COL12A1: variants seen among roughly 807,000 people sequenced by gnomAD.
COL12A1 encodes collagen type XII alpha 1 chain, also known as collagen alpha-1(XII) chain.
A neutral mutation model predicts 349.7 loss-of-function variants in COL12A1; 114 were observed. The observed-to-expected ratio is 0.33, with a 90% CI of 0.28 to 0.38. COL12A1 has a LOEUF of 0.38. Among genes scored for constraint, COL12A1 ranks in the 10% least tolerant of loss-of-function variants. The probability of loss-of-function intolerance (pLI) is 1.00; values close to 1 mark genes in which losing one functional copy is unlikely to be tolerated. For synonymous variants in COL12A1, 1,369 were observed against 1,329.0 expected (o/e 1.03, Z -0.66); for missense variants, 3,284 against 3,756.9 (o/e 0.87, Z 3.29).
chr6:75,142,310 T>C, intron 26 of COL12A1, 149 bp from the exon 27 acceptor site: 1 of 895,836 alleles, frequency 1.1e-6, no homozygotes, highest in East Asian at 2.5e-5. Context: ...ATCCAGAAAC[T>C]GGACACAGTT....
chr6:75,134,008 C>G lies in COL12A1; in HGVS notation c.5525-11G>C, dbSNP rs375380199. On this transcript the variant is annotated splice_polypyrimidine_tract_variant and intron_variant, in intron 32 of 65. Coordinates refer to ENST00000322507, the MANE Select transcript of COL12A1 (RefSeq NM_004370.6). ...CAGTGTTTAGAGGTTCTGAAATGCA[C>G]AGAAATCCCATCACAGTATAATGCT... is the stretch of plus-strand genomic sequence containing the variant. 1 of 1,610,324 alleles carries G rather than the reference C, an allele frequency of 6.2e-7. No homozygotes were observed. Among genetic ancestry groups the G allele is most frequent in the Non-Finnish European group, 8.5e-7 (1 of 1,178,124 alleles).
chr6:75,175,000 C>A, intron 13 of COL12A1, 38 bp downstream of exon 13: 1 of 1,606,792 alleles, frequency 6.2e-7, no homozygotes, highest in Non-Finnish European at 8.5e-7. Flanking sequence ...GCACCACAAA[C>A]AAGTTCCTGG....
chr6:75,128,502 T>C (rs1766129607), intron 37 of COL12A1, 77 bp from the exon 38 acceptor site: 6 of 1,267,276 alleles, frequency 4.7e-6, no homozygotes, highest in Non-Finnish European at 6.3e-6. Flanking sequence ...GTTTTATGTA[T>C]TCCCATAAAC....
chr6:75,156,262 G>T lies in COL12A1; in HGVS notation c.3245C>A (p.Thr1082Lys). Reference sequence around the variant, plus strand: ...ATATAATTATTATTTCATACCTGTTGTTCCTGATCCTTGCCTAAGCTTTCC... The same window carrying T: ...ATATAATTATTATTTCATACCTGTTTTTCCTGATCCTTGCCTAAGCTTTCC... ...GEGKLRQGSG[T>K]TASRFKSPRN... The change falls in exon 15 of 66, where the codon ACA (threonine) becomes AAA (lysine). Residue 1082 changes from threonine to lysine, a missense_variant. Thr to Lys is a moderately conservative substitution (Grantham distance 78, BLOSUM62 -1). Transcript: ENST00000322507. 1.2e-6 allele frequency: 2 copies of T among 1,613,708 alleles called. No individual in the cohort carries two copies. Among genetic ancestry groups the T allele is most frequent in the Non-Finnish European group, 1.7e-6 (2 of 1,179,742 alleles).
rs144008915 is a variant in COL12A1 at position 75,150,905 on chromosome 6, C to T, written c.4147+236G>A. 1.1e-3 allele frequency among the ~76,000 whole-genome samples: 171 copies of T among 152,164 alleles called. 1 individual carries two copies. Among genetic ancestry groups the T allele is most frequent in the African/African-American group, 3.7e-3 (155 of 41,526 alleles). On this transcript the variant is annotated intron_variant, in intron 21 of 65. Transcript: ENST00000322507. ...CAGAAAAAAAAATCAGTGACTAATG[C>T]AGTGATTCTCAACTGGGGACAGTTT...
At position 75,095,106 on chromosome 6, in the gene COL12A1, A is replaced by C; in HGVS notation, c.8649+2T>G. ...CAGTAGACATGCAAGCTGTCCGCTT[A>C]CTGGTCTGCCATGATCTCCAGGTTT... On this transcript the variant is annotated splice_donor_variant, in intron 60 of 65. Coordinates refer to ENST00000322507, the MANE Select transcript of COL12A1 (RefSeq NM_004370.6). LOFTEE classifies it high-confidence loss of function. 1 of 1,613,944 alleles carries C rather than the reference A, an allele frequency of 6.2e-7. No homozygotes were observed. The highest frequency in any genetic ancestry group is 8.5e-7 in the Non-Finnish European group (1 of 1,179,872).
chr6:75,147,233 T>C (rs1279465090), intron 23 of COL12A1, among the ~76,000 whole-genome samples: 1 of 152,212 alleles, frequency 6.6e-6, no homozygotes, highest in Non-Finnish European at 1.5e-5. Flanking sequence ...TTCCTGATCT[T>C]AGTCCCACTC....
chr6:75,188,633 A>G, intron 7 of COL12A1, 98 bp from the exon 8 acceptor site: 1 of 1,321,300 alleles, frequency 7.6e-7, no homozygotes, highest in South Asian at 1.2e-5. Flanking sequence ...CTGAAGACAT[A>G]TTCAAATCGT....
In COL12A1 at chr6:75,104,376, G is replaced by C. The variant is rs144488700; in HGVS notation, c.8266-566C>G. Among the ~76,000 whole-genome samples the C allele has an allele frequency of 6.2e-4, 94 of 152,212 alleles. 2 individuals are homozygous for C. In the East Asian group the frequency reaches 0.016, roughly 25 times the overall value. On this transcript the variant is annotated intron_variant, in intron 54 of 65. Transcript: ENST00000322507. ...TCACTGTTACTAGAAAAAAAGAATG[G>C]TAACCCCAGTGACATTTTGATTCTA... is the stretch of plus-strand genomic sequence containing the variant.
In COL12A1 at chr6:75,189,332, C is replaced by T. The variant is rs1769802774; in HGVS notation, c.708G>A (p.Gly236=). 1.2e-6 allele frequency: 2 copies of T among 1,613,030 alleles called. No individual in the cohort carries two copies. Among genetic ancestry groups the T allele is most frequent in the Non-Finnish European group, 1.7e-6 (2 of 1,179,424 alleles). ...LVKNTFTESA[G]ARVGFPKVAI... is the part of the protein sequence containing the mutation. ...CCACTTTAGGAAAGCCAACTCTTGC[C>T]CCAGCAGATTCCGTGAAAGTATTTT... The change falls in exon 7 of 66, where the codon GGG becomes GGA. Residue 236 remains glycine (G), a synonymous_variant. Transcript: ENST00000322507.
chr6:75,098,683 C>T (rs1161972647), intron 58 of COL12A1, among the ~76,000 whole-genome samples: 1 of 152,078 alleles, frequency 6.6e-6, no homozygotes, highest in East Asian at 1.9e-4. Flanking sequence ...GTAAAGCTGT[C>T]TTAACTGCCC....
chr6:75,193,458 T>C (rs1365704335), intron 3 of COL12A1, among the ~76,000 whole-genome samples: 2 of 152,176 alleles, frequency 1.3e-5, no homozygotes, highest in Non-Finnish European at 2.9e-5. Context: ...AAAAGATAAA[T>C]AAACACAGTT....
Position 75,084,993 on chromosome 6 carries a change from GC to G in COL12A1, c.*1553del. On this transcript the variant is annotated 3_prime_UTR_variant, in exon 66 of 66. Transcript: ENST00000322507. ...TTTTGCAAGCATTTCAAGGGCAAAG[GC>G]AAAAATGTCTACAGACTGCGTGCTT... 1 of 295,588 alleles carries G rather than the reference GC, an allele frequency of 3.4e-6. No homozygotes were observed. The highest frequency in any genetic ancestry group is 3.1e-5 in the South Asian group (1 of 32,340). 18.3% of individuals were successfully genotyped at this position (295,588 alleles called of 1,614,324 possible).
At position 75,087,566 on chromosome 6, in the gene COL12A1, C is replaced by T. The variant is rs1477952944; in HGVS notation, c.9181+11G>A. 6.2e-7 allele frequency: 1 copy of T among 1,613,384 alleles called. No individual in the cohort carries two copies. The highest frequency in any genetic ancestry group is 8.5e-7 in the Non-Finnish European group (1 of 1,179,732). On this transcript the variant is annotated intron_variant, in intron 65 of 65. Transcript: ENST00000322507. ...AGGTGAGTTGGGGTTCCTACAATGG[C>T]AACAACGTACCTGGATAGCCTTGCC...
rs757228055 is a variant in COL12A1 at position 75,148,372 on chromosome 6, C to T, written c.4273G>A (p.Gly1425Arg). 1.2e-6 allele frequency: 2 copies of T among 1,612,398 alleles called. No homozygotes were observed. Among genetic ancestry groups the T allele is most frequent in the South Asian group, 1.1e-5 (1 of 90,738 alleles). The change falls in exon 22 of 66, where the codon GGG (glycine) becomes AGG (arginine). Residue 1425 changes from glycine to arginine, a missense_variant. Transcript: ENST00000322507. The stretch of plus-strand genomic sequence containing the variant: ...TTCCTACTCACTTCTTGACGTTTCC[C>T]TCCAGAAACTGGATAGTATTCCACC... ...YKVEYYPVSG[G>R]KRQEFYVSRM...
chr6:75,202,070 G>A (rs753348654), intron 2 of COL12A1, among the ~76,000 whole-genome samples: 5 of 152,192 alleles, frequency 3.3e-5, no homozygotes, highest in Admixed American at 6.5e-5. Flanking sequence ...CAGGCCACGC[G>A]CCTTGGAGCC....
Position 75,133,311 on chromosome 6 carries a change from A to G in COL12A1, c.5776T>C (p.Ser1926Pro), listed in dbSNP as rs773911646. The change falls in exon 34 of 66, where the codon TCA becomes CCA. Residue 1926 changes from serine to proline, a missense_variant. By Grantham distance (74) the Ser-to-Pro change is moderately conservative. Coordinates refer to ENST00000322507, the MANE Select transcript of COL12A1 (RefSeq NM_004370.6). Reference sequence around the variant, plus strand: ...TACTTACATGTCCTTCCAGTATCTGATGTGCGTCCCCCATCACCTTCAGTA... The same window carrying G: ...TACTTACATGTCCTTCCAGTATCTGGTGTGCGTCCCCCATCACCTTCAGTA... Reference protein sequence around the residue: ...VYTEGDGGRTSDTGRTLMRGL... With the variant: ...VYTEGDGGRTPDTGRTLMRGL... The G allele has an allele frequency of 1.9e-6, 3 of 1,598,566 alleles. No homozygotes were observed. The South Asian group carries it at 3.5e-5, about 19-fold the overall frequency.
chr6:75,089,224 A>G (rs760537562), intron 63 of COL12A1, 50 bp from the exon 64 acceptor site: 3 of 1,362,472 alleles, frequency 2.2e-6, no homozygotes, highest in South Asian at 1.3e-5. Context: ...ATCTGGAAGC[A>G]TGTAATTTTC....
At chr6:75,198,456 A>G (rs1770347116) in intron 2 of COL12A1, among the ~76,000 whole-genome samples, 1 of 150,588 alleles carries the variant, frequency 6.6e-6, no homozygotes, top group Non-Finnish European at 1.5e-5. Context: ...TATTATACAT[A>G]TTACATATGT....
Sources: gnomAD v4.1 joint callset for allele counts (sites outside exome capture counted in the v4.1 genomes callset) on GRCh38, gnomAD v4.1.1 for gene constraint, MANE v1.5 for transcripts, NCBI Gene and HGNC (gene_info 2026-07-23, HGNC 2026-07-21) for gene names.